ACO2: variants seen among roughly 807,000 people sequenced by gnomAD.
ACO2 encodes aconitase 2.
A neutral mutation model predicts 84.5 loss-of-function variants in ACO2; 31 were observed. That is an observed-to-expected ratio of 0.37 (90% CI 0.28 to 0.50). The LOEUF (loss-of-function observed/expected upper bound fraction) is 0.50. Among genes scored for constraint, ACO2 ranks in the 20% least tolerant of loss-of-function variants. The pLI, the probability that ACO2 is intolerant of heterozygous loss-of-function variation, is 0.97. For missense variants in ACO2, 685 were observed against 1,029.3 expected, an observed-to-expected ratio of 0.67 and a Z score of 4.58; for synonymous variants, 414 against 412.7, an observed-to-expected ratio of 1.00 and a Z score of -0.04.
At chr22:41,477,765 G>A (rs760589777) in intron 1 of ACO2, among the ~76,000 whole-genome samples, 10 of 151,890 alleles carry the variant, frequency 6.6e-5, no homozygotes, top group Non-Finnish European at 1.3e-4. Context: ...TAGCTCATAC[G>A]TTTAAAAAAG....
At chr22:41,481,236 A>C (rs764177005) in intron 1 of ACO2, among the ~76,000 whole-genome samples, 6 of 152,326 alleles carry the variant, frequency 3.9e-5, no homozygotes, top group Admixed American at 1.3e-4. Flanking sequence ...CTCCAGCCCT[A>C]GAGTGGATGC....
At chr22:41,472,893 G>T (rs1367725046) in intron 1 of ACO2, among the ~76,000 whole-genome samples, 2 of 152,308 alleles carry the variant, frequency 1.3e-5, no homozygotes, top group East Asian at 3.9e-4. Context: ...GATAACTGGG[G>T]TGCTGAGGTT....
chr22:41,477,084 C>T (rs2038024724), intron 1 of ACO2, among the ~76,000 whole-genome samples: 1 of 150,412 alleles, frequency 6.6e-6, no homozygotes, highest in Admixed American at 6.6e-5. Context: ...GAGTCTCCTG[C>T]CTCAGCCTCC....
At chr22:41,469,902 T>G (rs2037922675) in intron 1 of ACO2, among the ~76,000 whole-genome samples, 1 of 152,196 alleles carries the variant, frequency 6.6e-6, no homozygotes, top group Non-Finnish European at 1.5e-5. Context: ...GTCACCGAAG[T>G]GCTGTGGCAG....
chr22:41,517,405 C>A, intron 6 of ACO2, 122 bp from the exon 7 acceptor site: 1 of 795,242 alleles, frequency 1.3e-6, no homozygotes, highest in Non-Finnish European at 2.1e-6. Context: ...GTCACCACAT[C>A]TCTCTGAGTG....
chr22:41,475,490 T>C (rs374463711), intron 1 of ACO2, among the ~76,000 whole-genome samples: 7 of 152,246 alleles, frequency 4.6e-5, no homozygotes, highest in African/African-American at 1.7e-4. Context: ...TCCAGCTTTC[T>C]TTGACTTGCC....
chr22:41,525,930 TC>T (rs2066584870), intron 14 of ACO2: 1 of 266,110 alleles, frequency 3.8e-6, no homozygotes, highest in African/African-American at 2.2e-5. Flanking sequence ...TGTCCTGGGC[TC>T]CTGTGTCCAG....
rs369933665 is a variant in ACO2 at position 41,515,928 on chromosome 22, C to T, written c.835+11C>T. ...CCATCTCCTGCACTGGTGAGGAAGG[C>T]GGCCAGGCGACGTGGCCCCTACCCT... On this transcript the variant is annotated intron_variant, in intron 6 of 17. Coordinates refer to ENST00000216254, the MANE Select transcript of ACO2 (RefSeq NM_001098.3). This position sits in a 1 kb window ranked among gnomAD's most constrained non-coding sequence, Gnocchi z 5.8. 29 of 1,611,894 alleles carry T rather than the reference C, an allele frequency of 1.8e-5. No homozygotes were observed. The highest frequency in any genetic ancestry group is 8.9e-5 in the East Asian group (4 of 44,774).
intron 1 of ACO2, among the ~76,000 whole-genome samples, chr22:41,491,678 A>G (rs2146096829): frequency 6.6e-6 from 1 of 152,338 alleles, no homozygotes; most frequent in East Asian, 1.9e-4. Flanking sequence ...CATCTCCTTT[A>G]TGGAGGAAAC....
At chr22:41,483,084 T>C (rs1180959700) in intron 1 of ACO2, among the ~76,000 whole-genome samples, 2 of 152,296 alleles carry the variant, frequency 1.3e-5, no homozygotes, top group Admixed American at 6.5e-5. Context: ...CTCAGCCCCT[T>C]TGTTCCCCAG....
intron 2 of ACO2, among the ~76,000 whole-genome samples, chr22:41,505,517 A>C (rs1446013784): frequency 6.6e-6 from 1 of 152,156 alleles, no homozygotes; most frequent in Non-Finnish European, 1.5e-5. Context: ...GAGACCGGGT[A>C]GATTAGCGTC....
chr22:41,493,948 A>G (rs1352902987), intron 1 of ACO2, among the ~76,000 whole-genome samples: 1 of 151,960 alleles, frequency 6.6e-6, no homozygotes, highest in African/African-American at 2.4e-5. Flanking sequence ...AATCCCAGCT[A>G]CTTGGGAGGT....
chr22:41,474,942 A>C (rs1261088779), intron 1 of ACO2, among the ~76,000 whole-genome samples: 1 of 151,910 alleles, frequency 6.6e-6, no homozygotes, highest in Non-Finnish European at 1.5e-5. Flanking sequence ...AATCTCATTG[A>C]TAAATTTTTG....
chr22:41,483,935 T>C (rs2038119502), intron 1 of ACO2, among the ~76,000 whole-genome samples: 1 of 152,156 alleles, frequency 6.6e-6, no homozygotes, highest in Non-Finnish European at 1.5e-5. Context: ...TTAGACCTTA[T>C]GGGGAAGGAG....
chr22:41,509,813 G>GTAT (rs1160033144), intron 3 of ACO2, among the ~76,000 whole-genome samples: 27 of 102,688 alleles, frequency 2.6e-4, no homozygotes, highest in African/African-American at 9.8e-4. Flanking sequence ...AAAGAATATG[G>GTAT]TCTTTTTTTT....
chr22:41,512,235 G>T (rs1238584076), intron 4 of ACO2: 2 of 401,638 alleles, frequency 5.0e-6, no homozygotes, highest in Non-Finnish European at 9.0e-6. Flanking sequence ...TTTCCACATT[G>T]TCTTCTGGGT....
chr22:41,504,376 G>C (rs946509764), intron 2 of ACO2, among the ~76,000 whole-genome samples: 2 of 152,234 alleles, frequency 1.3e-5, no homozygotes, highest in African/African-American at 4.8e-5. Context: ...GGAGAGCAGA[G>C]GGACAGATGG....
chr22:41,523,786 G>T, intron 11 of ACO2, 44 bp from the exon 12 acceptor site: 1 of 1,539,690 alleles, frequency 6.5e-7, no homozygotes, highest in South Asian at 1.1e-5. Context: ...CAGGCCAGGT[G>T]ACAAGGCCAG....
chr22:41,484,438 C>T (rs1358208396), intron 1 of ACO2, among the ~76,000 whole-genome samples: 1 of 152,092 alleles, frequency 6.6e-6, no homozygotes, highest in East Asian at 1.9e-4. Context: ...TGATAGATGT[C>T]CCTGGATGGG....
Sources: gnomAD v4.1 joint callset for allele counts (sites outside exome capture counted in the v4.1 genomes callset) on GRCh38, gnomAD v4.1.1 for gene constraint, Gnocchi (gnomAD v3.1) non-coding constraint, MANE v1.5 for transcripts, NCBI Gene and HGNC (gene_info 2026-07-23, HGNC 2026-07-21) for gene names.